The following DDX4 variants were observed in gnomAD, a reference collection of about 807,000 sequenced individuals.
The protein encoded by DDX4 is DEAD-box helicase 4.
DDX4 carries 25 observed loss-of-function variants against 100.0 expected under a neutral mutation model. That is an observed-to-expected ratio of 0.25 (90% CI 0.18 to 0.35). The LOEUF is 0.35. DDX4 is among the 10% of genes least tolerant of loss of function. The pLI, the probability that DDX4 is intolerant of heterozygous loss-of-function variation, is 1.00. For synonymous variants in DDX4, 259 were observed against 275.7 expected (o/e 0.94, Z 0.60); for missense variants, 635 against 882.4 (o/e 0.72, Z 3.55).
intron 18 of DDX4, among the ~76,000 whole-genome samples, chr5:55,804,030 G>A (rs1743521611): frequency 6.6e-6 from 1 of 150,966 alleles, no homozygotes; most frequent in African/African-American, 2.4e-5. Context: ...GGTGTGAGAT[G>A]GTATCTCATT....
chr5:55,757,692 C>G (rs778264031), intron 3 of DDX4, among the ~76,000 whole-genome samples: 1 of 152,082 alleles, frequency 6.6e-6, no homozygotes, highest in Non-Finnish European at 1.5e-5. Flanking sequence ...AAAAAATCTA[C>G]TGTATTGAAG....
intron 4 of DDX4, among the ~76,000 whole-genome samples, chr5:55,762,163 T>G (rs1740600115): frequency 6.6e-6 from 1 of 152,200 alleles, no homozygotes; most frequent in South Asian, 2.1e-4. Flanking sequence ...CTACAAGGGT[T>G]TTACAGAGGT....
At chr5:55,796,191 A>G (rs1011605212) in intron 17 of DDX4, among the ~76,000 whole-genome samples, 1 of 152,180 alleles carries the variant, frequency 6.6e-6, no homozygotes, top group African/African-American at 2.4e-5. Flanking sequence ...GTCCACCCAC[A>G]TTGAGGGTGG....
chr5:55,772,858 CT>C (rs561150893), intron 7 of DDX4, among the ~76,000 whole-genome samples: 105 of 152,108 alleles, frequency 6.9e-4, no homozygotes, highest in African/African-American at 2.2e-3. Flanking sequence ...CCAAATAAAC[CT>C]TTTTTTTCAT....
chr5:55,789,694 T>C (rs1742439685), intron 15 of DDX4, among the ~76,000 whole-genome samples: 1 of 152,152 alleles, frequency 6.6e-6, no homozygotes, highest in Non-Finnish European at 1.5e-5. Context: ...TGTAAAATTA[T>C]TACAAATTTC....
At chr5:55,785,706 A>G in intron 12 of DDX4, 23 bp from the exon 13 acceptor site, 2 of 1,599,266 alleles carry the variant, frequency 1.3e-6, no homozygotes, top group Non-Finnish European at 1.7e-6. Context: ...AACGTACATT[A>G]TGTTTTTAAT....
chr5:55,774,613 T>G (rs1191197671), intron 7 of DDX4, among the ~76,000 whole-genome samples: 1 of 152,236 alleles, frequency 6.6e-6, no homozygotes, highest in Admixed American at 6.5e-5. Context: ...CATGCAGACT[T>G]TTTCCTTTGT....
intron 18 of DDX4, among the ~76,000 whole-genome samples, chr5:55,804,462 C>T (rs1004247716): frequency 5.9e-5 from 9 of 152,132 alleles, no homozygotes; most frequent in Admixed American, 4.6e-4. Flanking sequence ...TCTGGTCTAA[C>T]GTTTAAGTCT....
chr5:55,770,214 TC>T (rs968242650), intron 7 of DDX4, among the ~76,000 whole-genome samples: 11 of 148,978 alleles, frequency 7.4e-5, no homozygotes, highest in African/African-American at 1.7e-4. Flanking sequence ...GGTTTTTTTT[TC>T]CCCCCTATGA....
chr5:55,781,854 A>G (rs989198472), intron 9 of DDX4, 80 bp from the exon 10 acceptor site: 42 of 1,486,418 alleles, frequency 2.8e-5, no homozygotes, highest in Non-Finnish European at 3.8e-5. Context: ...AACTTTGTTG[A>G]ATAGAAATAA....
intron 12 of DDX4, 102 bp from the exon 13 acceptor site, chr5:55,785,627 C>G: frequency 7.8e-7 from 1 of 1,280,600 alleles, no homozygotes; most frequent in Non-Finnish European, 1.1e-6. Flanking sequence ...GTGGGAAGTT[C>G]CATAGTATTT....
intron 6 of DDX4, among the ~76,000 whole-genome samples, chr5:55,766,441 T>G (rs1035033452): frequency 4.0e-5 from 6 of 151,258 alleles, no homozygotes; most frequent in South Asian, 2.1e-4. Flanking sequence ...TAGTTTTGTT[T>G]TTTTTTTTTT....
chr5:55,796,823 CTTTTTTT>C (rs3990072), intron 17 of DDX4, among the ~76,000 whole-genome samples: 12 of 59,938 alleles, frequency 2.0e-4, no homozygotes, highest in South Asian at 8.9e-4. Context: ...TTCTTTCTTT[CTTTTTTT>C]TTTTTTTTTT....
chr5:55,750,353 T>C (rs1759480207), intron 3 of DDX4: 2 of 153,834 alleles, frequency 1.3e-5, no homozygotes, highest in Non-Finnish European at 2.9e-5. Flanking sequence ...GCAGCTAGAA[T>C]AAGGTCAAAG....
intron 11 of DDX4, 37 bp downstream of exon 11, chr5:55,785,381 G>A (rs756765558): frequency 5.7e-6 from 9 of 1,585,286 alleles, no homozygotes; most frequent in Non-Finnish European, 7.8e-6. Context: ...GATTTTTATA[G>A]TGAGAGTTCT....
intron 6 of DDX4, among the ~76,000 whole-genome samples, chr5:55,764,364 C>T (rs546699716): frequency 3.3e-5 from 5 of 152,254 alleles, no homozygotes; most frequent in Admixed American, 3.3e-4. Flanking sequence ...TGAAACTTCA[C>T]TCTCTATATA....
intron 18 of DDX4, among the ~76,000 whole-genome samples, chr5:55,810,755 CA>C (rs1445045762): frequency 2.6e-5 from 4 of 152,036 alleles, no homozygotes; most frequent in Non-Finnish European, 5.9e-5. Context: ...TGAGAAATCT[CA>C]AAAGTTTTCT....
intron 10 of DDX4, among the ~76,000 whole-genome samples, chr5:55,783,833 G>A (rs1417453285): frequency 7.0e-6 from 1 of 141,870 alleles, no homozygotes; most frequent in African/African-American, 2.8e-5. Context: ...AAAGGAACCA[G>A]TAAAGTTTTT....
At chr5:55,752,890 A>T (rs978761238) in intron 3 of DDX4, among the ~76,000 whole-genome samples, 2 of 150,292 alleles carry the variant, frequency 1.3e-5, no homozygotes, top group African/African-American at 4.9e-5. Context: ...CTGGTGTGAG[A>T]TGGTATCTCA....
Sources: gnomAD v4.1 joint callset for allele counts (sites outside exome capture counted in the v4.1 genomes callset) on GRCh38, gnomAD v4.1.1 for gene constraint, MANE v1.5 for transcripts, NCBI Gene and HGNC (gene_info 2026-07-23, HGNC 2026-07-21) for gene names.